Variants in ZNF324B observed in about 807,000 individuals in gnomAD.
The protein encoded by ZNF324B is zinc finger protein 324B.
Under a neutral mutation model 10.6 loss-of-function variants are expected in ZNF324B, and 7 were observed. That is an observed-to-expected ratio of 0.66 (90% CI 0.38 to 1.24). The LOEUF is 1.24. ZNF324B is among the 50% of genes most tolerant of loss of function. The probability of loss-of-function intolerance (pLI) is 0.02; values close to 1 mark genes in which losing one functional copy is unlikely to be tolerated. For synonymous variants in ZNF324B, 316 were observed against 321.0 expected, an observed-to-expected ratio of 0.98 and a Z score of 0.17; for missense variants, 640 against 764.7, an observed-to-expected ratio of 0.84 and a Z score of 1.92.
Position 58,456,852 on chromosome 19 carries a change from G to T in ZNF324B, c.*273G>T. The T allele has an allele frequency of 1.8e-6, 1 of 555,710 alleles. No homozygotes were observed. The highest frequency in any genetic ancestry group is 2.9e-5 in the East Asian group (1 of 33,930). 34.4% of individuals were successfully genotyped at this position (555,710 alleles called of 1,614,324 possible). A position where few individuals can be genotyped will look rare whatever the true frequency, so the allele number is the denominator to read the frequency against. The stretch of plus-strand genomic sequence containing the variant: ...GAACTCTGGTGGGGCTGAGGCTGTA[G>T]TTGGGGCCATAGGACGCCGACAAAG... On this transcript the variant is annotated 3_prime_UTR_variant, in exon 4 of 4. Coordinates refer to ENST00000336614, the MANE Select transcript of ZNF324B (RefSeq NM_207395.3). The surrounding 1 kb of genome is among the most constrained non-coding windows in gnomAD (Gnocchi z 4.7).
At chr19:58,436,668 A>G in the ZNF324B span, among the ~76,000 whole-genome samples, 1 of 65,282 alleles carries the variant, frequency 1.5e-5, no homozygotes, top group South Asian at 5.0e-4. Context: ...ACTCCATCTC[A>G]AAAAAAAAAA....
In ZNF324B at chr19:58,455,625, T is replaced by C; in HGVS notation, c.681T>C (p.Ala227=). The part of the protein sequence containing the change: ...SGGRDRRMGA[A]WQEPHRLLGG... ...GCAGGGATCGCAGAATGGGCGCAGC[T>C]TGGCAGGAGCCTCATAGACTCCTCG... Residue 227 remains alanine, a synonymous_variant, in exon 4 of 4, where the codon GCT becomes GCC. Coordinates refer to ENST00000336614, the MANE Select transcript of ZNF324B (RefSeq NM_207395.3). The surrounding 1 kb of genome is among the most constrained non-coding windows in gnomAD (Gnocchi z 7.0). The C allele has an allele frequency of 6.2e-7, 1 of 1,613,898 alleles. No individual in the cohort carries two copies.
upstream of ZNF324B, chr19:58,451,553 G>T (rs764441565): frequency 2.0e-6 from 1 of 511,782 alleles, no homozygotes; most frequent in African/African-American, 2.0e-5. Context: ...CCAGAAGGCT[G>T]TGCGCAAGCG....
chr19:58,437,280 C>T, the ZNF324B span: 2 of 1,493,402 alleles, frequency 1.3e-6, no homozygotes, highest in South Asian at 2.7e-5. Context: ...GACTCAGAAT[C>T]CTGATACATC....
rs548131629 is a variant in ZNF324B at position 58,454,275 on chromosome 19, G to A, written c.169G>A (p.Glu57Lys). The change falls in exon 3 of 4, where the codon GAG becomes AAG. Residue 57 changes from glutamate (E) to lysine (K), a missense_variant. Glu to Lys is a moderately conservative substitution (Grantham distance 56, BLOSUM62 1). This residue lies in a region of ZNF324B where 345 missense variants were observed against 387.9 expected (regional missense o/e 0.89). Transcript: ENST00000336614. Reference sequence around the variant, plus strand: ...TGTGGTCATTCAACTTGAGCGTGGCGAGGAGCCCTGGGTTCCCAGTGGAAA... The same window carrying A: ...TGTGGTCATTCAACTTGAGCGTGGCAAGGAGCCCTGGGTTCCCAGTGGAAA... Reference protein sequence around the residue: ...PRVVIQLERGEEPWVPSGKDM... With the variant: ...PRVVIQLERGKEPWVPSGKDM... The A allele has an allele frequency of 1.7e-5, 28 of 1,614,090 alleles. No individual in the cohort carries two copies. The highest frequency in any genetic ancestry group is 6.6e-5 in the South Asian group (6 of 91,084).
chr19:58,456,306 C>T lies in ZNF324B; in HGVS notation c.1362C>T (p.Arg454=), dbSNP rs1418019332. 1 of 1,612,914 alleles carries T rather than the reference C, an allele frequency of 6.2e-7. No individual in the cohort carries two copies. The highest frequency in any genetic ancestry group is 8.5e-7 in the Non-Finnish European group (1 of 1,179,844). Residue 454 remains arginine, a synonymous_variant, in exon 4 of 4, where the codon CGC becomes CGT. Coordinates refer to ENST00000336614, the MANE Select transcript of ZNF324B (RefSeq NM_207395.3). This position sits in a 1 kb window ranked among gnomAD's most constrained non-coding sequence, Gnocchi z 4.7. ...QLLHTGERPF[R]CVDCGKGFAK... ...TGCACACGGGCGAGCGGCCCTTCCG[C>T]TGCGTGGACTGTGGCAAGGGTTTCG...
chr19:58,433,316 G>C, the ZNF324B span: 8 of 1,604,394 alleles, frequency 5.0e-6, no homozygotes, highest in African/African-American at 5.3e-5. Context: ...CTTCCATAAG[G>C]CTCCACTCAG....
chr19:58,442,718 G>C, the ZNF324B span: 1 of 152,328 alleles, frequency 6.6e-6, no homozygotes, highest in East Asian at 1.9e-4. Context: ...GAGTGTTACA[G>C]CTCGTAAAGG....
the ZNF324B span, chr19:58,432,392 G>A: frequency 1.0e-5 from 5 of 477,246 alleles, no homozygotes; most frequent in South Asian, 7.7e-5. Flanking sequence ...AGTCCCAGTT[G>A]ATGGGGAACT....
At chr19:58,449,192 T>G (rs2052840035), upstream of ZNF324B, among the ~76,000 whole-genome samples, 1 of 152,252 alleles carries the variant, frequency 6.6e-6, no homozygotes, top group Non-Finnish European at 1.5e-5. Context: ...AGCTCCCATG[T>G]GGTGTTGAGC....
At chr19:58,431,952 G>A in the ZNF324B span, among the ~76,000 whole-genome samples, 1,121 of 152,032 alleles carry the variant, frequency 7.4e-3, 5 homozygotes, top group Middle Eastern at 0.021. Context: ...CCAAAATCGC[G>A]CCACTGCACT....
rs2052931584 is a variant in ZNF324B, at chr19:58,457,198, G to A, written c.*619G>A. 1 of 154,696 alleles carries A rather than the reference G, an allele frequency of 6.5e-6. No homozygotes were observed. Among genetic ancestry groups the A allele is most frequent in the African/African-American group, 2.4e-5 (1 of 41,406 alleles). 9.6% of individuals were successfully genotyped at this position (154,696 alleles called of 1,614,324 possible). A position where few individuals can be genotyped will look rare whatever the true frequency, so the allele number is the denominator to read the frequency against. On this transcript the variant is annotated 3_prime_UTR_variant, in exon 4 of 4. Transcript: ENST00000336614. ...GCTGACAGACGGGATCCTAATGAGA[G>A]TCAATGTGTGCTCACTGCCAGCTCC...
In ZNF324B at chr19:58,455,612, G is replaced by C. The variant is rs2052909238; in HGVS notation, c.668G>C (p.Arg223Thr). The C allele has an allele frequency of 2.5e-6, 4 of 1,614,054 alleles. No homozygotes were observed. The highest frequency in any genetic ancestry group is 2.5e-6 in the Non-Finnish European group (3 of 1,180,012). ...GCCGCCAGTGGTGGCAGGGATCGCA[G>C]AATGGGCGCAGCTTGGCAGGAGCCT... ...LKAASGGRDR[R>T]MGAAWQEPHR... Residue 223 changes from arginine (R) to threonine (T), a missense_variant, in exon 4 of 4, where the codon AGA becomes ACA. Arg to Thr is a moderately conservative substitution (Grantham distance 71). Coordinates refer to ENST00000336614, the MANE Select transcript of ZNF324B (RefSeq NM_207395.3). The surrounding 1 kb of genome is among the most constrained non-coding windows in gnomAD (Gnocchi z 7.0).
chr19:58,420,744 G>T, the ZNF324B span, among the ~76,000 whole-genome samples: 464 of 151,774 alleles, frequency 3.1e-3, 1 homozygote, highest in African/African-American at 0.011. Flanking sequence ...GAGTCACTCT[G>T]TTGTCCAGGC....
At chr19:58,454,476 C>G in intron 3 of ZNF324B, 132 bp downstream of exon 3, 4 of 671,842 alleles carry the variant, frequency 6.0e-6, no homozygotes, top group Non-Finnish European at 1.1e-5. Flanking sequence ...CATCATCAGC[C>G]TCTCCTGGAG....
rs769148066 is a variant in ZNF324B at position 58,457,270 on chromosome 19, A to G, written c.*691A>G. 2 of 152,670 alleles carry G rather than the reference A, an allele frequency of 1.3e-5. No individual in the cohort carries two copies. The highest frequency in any genetic ancestry group is 2.9e-5 in the Non-Finnish European group (2 of 68,316). The allele number at this position is 152,670 out of a possible 1,614,324, so 9.5% of individuals were successfully genotyped here. ...AGGTGTGAGGGCCTGGCCTGGGGTC[A>G]CACAGCTGACTCAGGAGAGGAATGC... On this transcript the variant is annotated 3_prime_UTR_variant, in exon 4 of 4. Transcript: ENST00000336614.
At chr19:58,452,992 G>A (rs1394021265) in intron 1 of ZNF324B, among the ~76,000 whole-genome samples, 1 of 151,900 alleles carries the variant, frequency 6.6e-6, no homozygotes, top group African/African-American at 2.4e-5. Flanking sequence ...GGAGAATGGC[G>A]TGAACCCGGG....
chr19:58,455,321 C>G lies in ZNF324B; in HGVS notation c.377C>G (p.Pro126Arg), dbSNP rs779513346. ...AGTGTAAAAAGCCTGCAGCGACAACCGGGTGCCTCCCCATCTCAGGAGAGA... is the reference window on the plus strand; with the variant it reads ...AGTGTAAAAAGCCTGCAGCGACAACGGGGTGCCTCCCCATCTCAGGAGAGA... ...CHSVKSLQRQPGASPSQERKP... is the reference protein window; with the variant it reads ...CHSVKSLQRQRGASPSQERKP... The change falls in exon 4 of 4, where the codon CCG becomes CGG. Residue 126 changes from proline to arginine, a missense_variant. By Grantham distance (103) the Pro-to-Arg change is moderately radical (BLOSUM62 -2). Coordinates refer to ENST00000336614, the MANE Select transcript of ZNF324B (RefSeq NM_207395.3). The surrounding 1 kb of genome is among the most constrained non-coding windows in gnomAD (Gnocchi z 7.0). 2.0e-5 allele frequency: 32 copies of G among 1,614,110 alleles called. 1 individual carries two copies. Among genetic ancestry groups the G allele is most frequent in the East Asian group, 1.6e-4 (7 of 44,896 alleles).
chr19:58,444,151 C>T, the ZNF324B span: 1 of 152,142 alleles, frequency 6.6e-6, no homozygotes, highest in African/African-American at 2.4e-5. Flanking sequence ...TATAGCTGTG[C>T]CTTTTAAAAA....
Sources: allele counts gnomAD v4.1 joint callset (sites outside exome capture counted in the v4.1 genomes callset), GRCh38; gene constraint gnomAD v4.1.1; regional missense constraint gnomAD v4.1.1; non-coding constraint Gnocchi (gnomAD v3.1); transcripts MANE v1.5; gene names NCBI Gene and HGNC (gene_info 2026-07-23, HGNC 2026-07-21).